Variants in ATP8B4 observed in about 807,000 individuals in gnomAD.
The protein encoded by ATP8B4 is probable phospholipid-transporting ATPase IM.
A neutral mutation model predicts 145.6 loss-of-function variants in ATP8B4; 133 were observed. The ratio of observed to expected loss-of-function variants is 0.91; its 90% CI spans 0.79 to 1.05. The LOEUF is 1.05. Ranked by LOEUF, ATP8B4 falls within the 50% of genes least tolerant of loss-of-function variation. ATP8B4 has a pLI of 0.00. For synonymous variants in ATP8B4, 507 were observed against 492.9 expected, an observed-to-expected ratio of 1.03 and a Z score of -0.38; for missense variants, 1,458 against 1,425.2, an observed-to-expected ratio of 1.02 and a Z score of -0.37.
rs2046005086 is a variant in ATP8B4, at chr15:49,979,885, CG to C, written c.838-73del. 2.8e-6 allele frequency: 3 copies of C among 1,083,648 alleles called. No individual in the cohort carries two copies. In the South Asian group the frequency reaches 6.0e-5, roughly 22 times the overall value. The allele number at this position is 1,083,648 out of a possible 1,614,324, so 67.1% of individuals were successfully genotyped here. ...TAGTCATATCAACATGATCTAATTA[CG>C]CATCTAACTCCAAGAAATAGTCATT... On this transcript the variant is annotated intron_variant, in intron 11 of 27. Transcript: ENST00000284509.
chr15:50,139,029 C>T (rs1189110473), intron 1 of ATP8B4, among the ~76,000 whole-genome samples: 2 of 152,088 alleles, frequency 1.3e-5, no homozygotes, highest in Non-Finnish European at 2.9e-5. Flanking sequence ...GACAGTGTGG[C>T]GATTCCTGAA....
At chr15:49,919,669 G>A (rs776773727) in intron 18 of ATP8B4, among the ~76,000 whole-genome samples, 17 of 151,990 alleles carry the variant, frequency 1.1e-4, no homozygotes, top group Non-Finnish European at 2.2e-4. Context: ...CGCCCACCTC[G>A]GCCTCCTGAA....
At chr15:49,992,545 C>T (rs2047121272) in intron 9 of ATP8B4, among the ~76,000 whole-genome samples, 1 of 152,122 alleles carries the variant, frequency 6.6e-6, no homozygotes, top group Non-Finnish European at 1.5e-5. Flanking sequence ...CAGAGACATC[C>T]TGAGATTTCA....
At chr15:49,862,400 C>A in intron 26 of ATP8B4, 25 bp from the exon 27 acceptor site, 1 of 1,609,158 alleles carries the variant, frequency 6.2e-7, no homozygotes, top group Non-Finnish European at 8.5e-7. Flanking sequence ...AGAAAATATA[C>A]ACTGTGGTTA....
At position 49,860,122 on chromosome 15, in the gene ATP8B4, ACT is replaced by A; in HGVS notation, c.*70_*71del. 1 of 1,514,838 alleles carries A rather than the reference ACT, an allele frequency of 6.6e-7. No homozygotes were observed. Among genetic ancestry groups the A allele is most frequent in the African/African-American group, 1.4e-5 (1 of 71,844 alleles). The allele number at this position is 1,514,838 out of a possible 1,614,324, so 93.8% of individuals were successfully genotyped here. A position where few individuals can be genotyped will look rare whatever the true frequency, so the allele number is the denominator to read the frequency against. ...CCCCACCTCTTGCCTCAAATCTCAAACTCTGGAGCCAGCAGAATTTCAGCTCC... is the reference window on the plus strand; with the variant it reads ...CCCCACCTCTTGCCTCAAATCTCAAACTGGAGCCAGCAGAATTTCAGCTCC... On this transcript the variant is annotated 3_prime_UTR_variant, in exon 28 of 28. Coordinates refer to ENST00000284509, the MANE Select transcript of ATP8B4 (RefSeq NM_024837.4).
At chr15:49,870,253 A>C (rs1726829423) in intron 25 of ATP8B4, among the ~76,000 whole-genome samples, 1 of 152,180 alleles carries the variant, frequency 6.6e-6, no homozygotes, top group Non-Finnish European at 1.5e-5. Flanking sequence ...ATTACAGAAC[A>C]GTATACATAA....
intron 3 of ATP8B4, among the ~76,000 whole-genome samples, chr15:50,067,245 C>G (rs78689916): frequency 0.016 from 2,466 of 152,272 alleles, 68 homozygotes; most frequent in African/African-American, 0.057. Flanking sequence ...GGGATTTGGC[C>G]TATTTTATAT....
At chr15:50,121,415 G>A (rs1185909871), upstream of ATP8B4, among the ~76,000 whole-genome samples, 3 of 152,058 alleles carry the variant, frequency 2.0e-5, no homozygotes, top group Non-Finnish European at 4.4e-5. Flanking sequence ...GATGGATAAT[G>A]GTGATAGTTA....
rs191686995 is a variant in ATP8B4, at chr15:49,980,020, T to A, written c.838-207A>T. Among the ~76,000 whole-genome samples, 743 of 152,256 alleles carry A rather than the reference T, an allele frequency of 4.9e-3. 3 individuals carry two copies. The highest frequency in any genetic ancestry group is 6.7e-3 in the Non-Finnish European group (454 of 68,018). ...TCTCACTGAATTTGCCCATTGACTC[T>A]CTAAGATGGGAACAGTCATTATCCC... On this transcript the variant is annotated intron_variant, in intron 11 of 27. Transcript: ENST00000284509.
chr15:49,902,990 T>G (rs1042748680), intron 20 of ATP8B4, among the ~76,000 whole-genome samples: 1 of 152,142 alleles, frequency 6.6e-6, no homozygotes, highest in Non-Finnish European at 1.5e-5. Flanking sequence ...TGGCTGAAAT[T>G]CTATTTACTT....
intron 2 of ATP8B4, among the ~76,000 whole-genome samples, chr15:50,098,116 G>A (rs544471673): frequency 6.6e-6 from 1 of 151,984 alleles, no homozygotes; most frequent in African/African-American, 2.4e-5. Flanking sequence ...CCATCACTCT[G>A]GGCAAACCCA....
intron 14 of ATP8B4, among the ~76,000 whole-genome samples, chr15:49,939,369 GA>G (rs542751199): frequency 2.4e-4 from 36 of 150,190 alleles, no homozygotes; most frequent in African/African-American, 7.6e-4. Context: ...GATTAACAAA[GA>G]AAAAAAAGAG....
intron 13 of ATP8B4, among the ~76,000 whole-genome samples, chr15:49,962,840 T>C (rs2044197866): frequency 6.6e-6 from 1 of 152,180 alleles, no homozygotes; most frequent in Non-Finnish European, 1.5e-5. Flanking sequence ...GCATAATTTA[T>C]TTTCCCTTTC....
intron 3 of ATP8B4, among the ~76,000 whole-genome samples, chr15:50,052,658 C>A (rs2052281201): frequency 6.6e-6 from 1 of 152,108 alleles, no homozygotes; most frequent in South Asian, 2.1e-4. Flanking sequence ...CAGTAGAGAA[C>A]CCTCCACCTG....
chr15:50,087,280 GAATAAT>G (rs1245955785), intron 2 of ATP8B4, among the ~76,000 whole-genome samples: 25 of 124,526 alleles, frequency 2.0e-4, no homozygotes, highest in African/African-American at 7.9e-4. Flanking sequence ...ATATATAATA[GAATAAT>G]ATATAGATCT....
rs754787182 is a variant in ATP8B4 at position 49,920,259 on chromosome 15, T to C, written c.1910A>G (p.Glu637Gly). ...CTAAACTCATACCATCAAATCTCTT[T>C]CAATTTCTTCATATAGCCCAGCTAT... ...ERIAGLYEEIERDLMLLGATA... is the reference protein window; with the variant it reads ...ERIAGLYEEIGRDLMLLGATA... Residue 637 changes from glutamate to glycine, a missense_variant, in exon 18 of 28, where the codon GAA becomes GGA. Transcript: ENST00000284509. The C allele has an allele frequency of 1.1e-5, 18 of 1,613,922 alleles. No individual in the cohort carries two copies. Among genetic ancestry groups the C allele is most frequent in the African/African-American group, 5.3e-5 (4 of 74,920 alleles).
Position 49,859,344 on chromosome 15 carries a change from C to A in ATP8B4, c.*850G>T, listed in dbSNP as rs2031214541. The A allele has an allele frequency of 6.6e-6, 1 of 152,168 alleles. No individual in the cohort carries two copies. The allele number at this position is 152,168 out of a possible 1,614,324, so 9.4% of individuals were successfully genotyped here. A position where few individuals can be genotyped will look rare whatever the true frequency, so the allele number is the denominator to read the frequency against. On this transcript the variant is annotated 3_prime_UTR_variant, in exon 28 of 28. Coordinates refer to ENST00000284509, the MANE Select transcript of ATP8B4 (RefSeq NM_024837.4). The stretch of plus-strand genomic sequence containing the variant: ...GCCCATAGACTATGTGGAATATTAT[C>A]ATTAAAGTGTGAAATTCCAGTGCTT...
chr15:50,162,399 T>C (rs1274257018), intron 1 of ATP8B4, among the ~76,000 whole-genome samples: 4 of 152,032 alleles, frequency 2.6e-5, no homozygotes, highest in Admixed American at 6.5e-5. Context: ...ATTTCTCCCT[T>C]GAATAAACAT....
At chr15:50,089,004 C>T (rs1049838461) in intron 2 of ATP8B4, among the ~76,000 whole-genome samples, 1 of 152,056 alleles carries the variant, frequency 6.6e-6, no homozygotes, top group African/African-American at 2.4e-5. Flanking sequence ...GTTTTGGTTA[C>T]CTGACAAAAA....
Sources: allele counts gnomAD v4.1 joint callset (sites outside exome capture counted in the v4.1 genomes callset), GRCh38; gene constraint gnomAD v4.1.1; transcripts MANE v1.5; gene names NCBI Gene and HGNC (gene_info 2026-07-23, HGNC 2026-07-21).